The following ZNF366 variants were observed in gnomAD, a reference collection of about 807,000 sequenced individuals.
The protein encoded by ZNF366 is dendritic cell-specific transcript protein.
A neutral mutation model predicts 47.2 loss-of-function variants in ZNF366; 20 were observed. The ratio of observed to expected loss-of-function variants is 0.42; its 90% CI spans 0.30 to 0.62. ZNF366 has a LOEUF of 0.62. ZNF366 is among the 20% of genes least tolerant of loss of function. ZNF366 has a pLI of 0.16. For synonymous variants in ZNF366, 421 were observed against 395.1 expected, an observed-to-expected ratio of 1.07 and a Z score of -0.78; for missense variants, 987 against 976.3, an observed-to-expected ratio of 1.01 and a Z score of -0.15.
intron 1 of ZNF366, among the ~76,000 whole-genome samples, chr5:72,503,120 G>A (rs1030696885): frequency 5.3e-5 from 8 of 151,786 alleles, no homozygotes; most frequent in African/African-American, 1.9e-4. Flanking sequence ...GCCTGACTCT[G>A]TCTCAAAAAA....
At chr5:72,497,278 C>T (rs898852642) in intron 1 of ZNF366, among the ~76,000 whole-genome samples, 2 of 152,152 alleles carry the variant, frequency 1.3e-5, no homozygotes, top group East Asian at 1.9e-4. Context: ...CTAACACTTA[C>T]ATTCAGGCCT....
intron 1 of ZNF366, among the ~76,000 whole-genome samples, chr5:72,490,476 C>A (rs4703550): frequency 0.16 from 24,879 of 152,104 alleles, 2,519 homozygotes; most frequent in East Asian, 0.38. Context: ...GCAAGCAGGA[C>A]AGCTCCCCTG....
At chr5:72,506,434 A>C (rs1333533608) in intron 1 of ZNF366, among the ~76,000 whole-genome samples, 2 of 152,188 alleles carry the variant, frequency 1.3e-5, no homozygotes, top group African/African-American at 4.8e-5. Context: ...CTAGCTTGCT[A>C]CGCCCTATTT....
At chr5:72,477,193 T>TGGAATATC (rs1468150946) in intron 1 of ZNF366, among the ~76,000 whole-genome samples, 1 of 152,246 alleles carries the variant, frequency 6.6e-6, no homozygotes, top group African/African-American at 2.4e-5. Flanking sequence ...TCACACCTTT[T>TGGAATATC]GGAATATCTA....
chr5:72,447,182 A>G, intron 4 of ZNF366, 61 bp downstream of exon 4: 13 of 1,589,546 alleles, frequency 8.2e-6, no homozygotes, highest in Non-Finnish European at 1.1e-5. Flanking sequence ...CATAAAACGA[A>G]TTCAGCTCCC....
At chr5:72,502,265 G>A (rs560157947) in intron 1 of ZNF366, among the ~76,000 whole-genome samples, 39 of 152,286 alleles carry the variant, frequency 2.6e-4, no homozygotes, top group African/African-American at 9.1e-4. Context: ...CATAACGCTG[G>A]ATGAAGACAT....
intron 1 of ZNF366, among the ~76,000 whole-genome samples, chr5:72,489,763 A>G (rs1449932268): frequency 1.3e-5 from 2 of 152,252 alleles, no homozygotes; most frequent in Non-Finnish European, 2.9e-5. Flanking sequence ...AATTCCCACC[A>G]TGGGAAGAGA....
intron 1 of ZNF366, among the ~76,000 whole-genome samples, chr5:72,477,320 GC>G (rs1264732735): frequency 3.9e-5 from 6 of 152,170 alleles, no homozygotes; most frequent in Non-Finnish European, 7.3e-5. Context: ...ATATCCAGTG[GC>G]ACTGATCCAA....
Position 72,456,424 on chromosome 5 carries a change from C to G in ZNF366, c.1504G>C (p.Val502Leu). Residue 502 changes from valine (V) to leucine (L), a missense_variant, in exon 3 of 5, where the codon GTG becomes CTG. Val to Leu is a conservative substitution (Grantham distance 32, BLOSUM62 1). Transcript: ENST00000318442. ...LKAHMIVHSD[V>L]KPFKCKLCGK... ...CCCACCTTGCATTTGAAAGGCTTCACGTCAGAGTGGACGATCATGTGTGCC... is the reference window on the plus strand; with the variant it reads ...CCCACCTTGCATTTGAAAGGCTTCAGGTCAGAGTGGACGATCATGTGTGCC... 6.2e-7 allele frequency: 1 copy of G among 1,609,020 alleles called. No individual in the cohort carries two copies. The highest frequency in any genetic ancestry group is 8.5e-7 in the Non-Finnish European group (1 of 1,176,008).
At chr5:72,447,515 T>G in intron 3 of ZNF366, 98 bp from the exon 4 acceptor site, 2 of 1,420,262 alleles carry the variant, frequency 1.4e-6, no homozygotes, top group South Asian at 1.4e-5. Context: ...TGTTTGGACA[T>G]TGACATTTTA....
chr5:72,466,832 C>T (rs112190313), intron 1 of ZNF366, among the ~76,000 whole-genome samples: 20 of 152,326 alleles, frequency 1.3e-4, no homozygotes, highest in African/African-American at 3.8e-4. Flanking sequence ...TGAGTTGTTG[C>T]GTACCCTCCT....
intron 1 of ZNF366, among the ~76,000 whole-genome samples, chr5:72,477,648 CA>C (rs1253449811): frequency 2.0e-5 from 3 of 152,170 alleles, no homozygotes; most frequent in Non-Finnish European, 4.4e-5. Context: ...TTAATCAGTA[CA>C]ATTATCCCTA....
chr5:72,451,278 T>A (rs1743065292), intron 3 of ZNF366, among the ~76,000 whole-genome samples: 1 of 152,264 alleles, frequency 6.6e-6, no homozygotes, highest in Non-Finnish European at 1.5e-5. Context: ...TGTCTTGACA[T>A]GAAATCTCAG....
At chr5:72,492,186 C>T (rs1410466604) in intron 1 of ZNF366, among the ~76,000 whole-genome samples, 1 of 152,168 alleles carries the variant, frequency 6.6e-6, no homozygotes, top group Non-Finnish European at 1.5e-5. Context: ...CATTTGATCC[C>T]AGTGGGTAGA....
chr5:72,507,177 G>T, intron 1 of ZNF366, 74 bp downstream of exon 1: 1 of 973,992 alleles, frequency 1.0e-6, no homozygotes, highest in Non-Finnish European at 1.2e-6. Context: ...GGTATTTTCT[G>T]TTGAAGATGC....
intron 1 of ZNF366, among the ~76,000 whole-genome samples, chr5:72,481,893 T>C (rs1391850580): frequency 6.6e-6 from 1 of 152,200 alleles, no homozygotes; most frequent in Non-Finnish European, 1.5e-5. Context: ...TTATAGAATG[T>C]TTAGTGCATG....
rs761255642 is a variant in ZNF366, at chr5:72,447,310, C to T, written c.1632G>A (p.Leu544=). ...TCATGTGGCGTGTCAGGTTCCCCTT[C>T]AGGGTGAATTTGCTTGGGCAATAGA... is the stretch of plus-strand genomic sequence containing the variant. ...KCLYCPSKFT[L]KGNLTRHMKV... Residue 544 remains leucine (L), a synonymous_variant, in exon 4 of 5, where the codon CTG becomes CTA. Transcript: ENST00000318442. The T allele has an allele frequency of 7.4e-6, 12 of 1,614,168 alleles. No individual in the cohort carries two copies. In the South Asian group the frequency reaches 1.3e-4, roughly 18 times the overall value.
At chr5:72,445,645 T>C (rs780583916) in intron 4 of ZNF366, among the ~76,000 whole-genome samples, 4 of 152,204 alleles carry the variant, frequency 2.6e-5, no homozygotes, top group Non-Finnish European at 4.4e-5. Context: ...TTTTAGGATT[T>C]GAGCAGCAGT....
chr5:72,474,602 T>G (rs1036643023), intron 1 of ZNF366, among the ~76,000 whole-genome samples: 2 of 152,108 alleles, frequency 1.3e-5, no homozygotes, highest in African/African-American at 4.8e-5. Context: ...TAAGATTTCA[T>G]CACATTCATA....
Sources: gnomAD v4.1 joint callset for allele counts (sites outside exome capture counted in the v4.1 genomes callset) on GRCh38, gnomAD v4.1.1 for gene constraint, MANE v1.5 for transcripts, NCBI Gene and HGNC (gene_info 2026-07-23, HGNC 2026-07-21) for gene names.